The following ZNHIT3 variants were observed in gnomAD, a reference collection of about 807,000 sequenced individuals.
ZNHIT3 encodes zinc finger HIT domain-containing protein 3.
A neutral mutation model predicts 19.9 loss-of-function variants in ZNHIT3; 27 were observed. The observed-to-expected ratio is 1.36, with a 90% confidence interval of 1.00 to 1.87. ZNHIT3 has a LOEUF of 1.87. ZNHIT3 is among the 40% of genes most tolerant of loss of function. The pLI, the probability that ZNHIT3 is intolerant of heterozygous loss-of-function variation, is 0.00. For synonymous variants in ZNHIT3, 81 were observed against 65.7 expected (o/e 1.23, Z -1.13); for missense variants, 215 against 185.6 (o/e 1.16, Z -0.92).
At chr17:36,493,030 T>C (rs2306589) in intron 3 of ZNHIT3, 131 bp downstream of exon 3, 434,448 of 838,874 alleles carry the variant, frequency 0.52, 114,669 homozygotes, top group East Asian at 0.63. Flanking sequence ...TTCCTTAGCC[T>C]TGAGCATCAG....
intron 2 of ZNHIT3, among the ~76,000 whole-genome samples, chr17:36,488,418 G>A (rs936881747): frequency 1.3e-5 from 2 of 151,954 alleles, no homozygotes; most frequent in African/African-American, 2.4e-5. Flanking sequence ...GGAGGTGCGC[G>A]CCTGTAATCC....
At chr17:36,494,102 T>C in intron 4 of ZNHIT3, 96 bp downstream of exon 4, 1 of 912,030 alleles carries the variant, frequency 1.1e-6, no homozygotes, top group Non-Finnish European at 1.7e-6. Context: ...TGAATAAGTA[T>C]GGCATGTAGG....
At chr17:36,487,881 A>G (rs2070617887) in intron 2 of ZNHIT3, among the ~76,000 whole-genome samples, 1 of 151,666 alleles carries the variant, frequency 6.6e-6, no homozygotes, top group South Asian at 2.1e-4. Context: ...AGGCGGGCGG[A>G]TCATTTGAGC....
At chr17:36,498,436 G>A (rs2306590), downstream of ZNHIT3, 612,550 of 1,613,826 alleles carry the variant, frequency 0.38, 121,590 homozygotes, top group Non-Finnish European at 0.41. Flanking sequence ...AGGGGCCAGA[G>A]GCGGATTATT....
Position 36,495,269 on chromosome 17 carries a change from G to A in ZNHIT3, c.333G>A (p.Arg111=). The A allele has an allele frequency of 1.2e-6, 2 of 1,612,214 alleles. No individual in the cohort carries two copies. Among genetic ancestry groups the A allele is most frequent in the Non-Finnish European group, 1.7e-6 (2 of 1,179,540 alleles). ...LRSLLLNPHL[R]QLMVNLDQGE... ...GCTTATTGCTCAATCCACACCTCAG[G>A]CAGTTGATGGTCAACCTCGATCAGG... The change falls in exon 5 of 5, where the codon AGG becomes AGA. Residue 111 remains arginine (R), a synonymous_variant. Transcript: ENST00000617429.
chr17:36,496,141 C>T, downstream of ZNHIT3: 1 of 1,419,058 alleles, frequency 7.0e-7, no homozygotes, highest in Non-Finnish European at 9.7e-7. Context: ...CACTGTTGTT[C>T]ATGTGCATTT....
downstream of ZNHIT3, chr17:36,498,219 T>C (rs1019765902): frequency 1.3e-6 from 2 of 1,576,426 alleles, no homozygotes; most frequent in Admixed American, 3.4e-5. Flanking sequence ...GCTTTGCTCC[T>C]GCTGTTCTCA....
rs2070581055 is a variant in ZNHIT3, at chr17:36,487,082, C to T, written c.118+116C>T. On this transcript the variant is annotated intron_variant, in intron 2 of 4. Transcript: ENST00000617429. ...GCGCTTCCTTTCCCGCCTCGGGTCT[C>T]CGCGGGTTCTGCAGGAACCTTGCTT... 6 of 1,409,842 alleles carry T rather than the reference C, an allele frequency of 4.3e-6. No homozygotes were observed. In the East Asian group the frequency reaches 1.5e-4, roughly 35 times the overall value. 87.3% of individuals were successfully genotyped at this position (1,409,842 alleles called of 1,614,324 possible). A position where few individuals can be genotyped will look rare whatever the true frequency, so the allele number is the denominator to read the frequency against.
At chr17:36,487,218 C>T (rs900096610) in intron 2 of ZNHIT3, among the ~76,000 whole-genome samples, 4 of 152,140 alleles carry the variant, frequency 2.6e-5, no homozygotes, top group Non-Finnish European at 4.4e-5. Flanking sequence ...CCCCGCTTCT[C>T]CTTCTGCGTG....
chr17:36,492,257 C>T (rs2070743666), intron 2 of ZNHIT3: 1 of 154,148 alleles, frequency 6.5e-6, no homozygotes, highest in African/African-American at 2.4e-5. Flanking sequence ...AAGGGATCCT[C>T]CTGCCTCAGC....
chr17:36,496,143 T>C (rs1181769032), downstream of ZNHIT3: 1 of 1,426,704 alleles, frequency 7.0e-7, no homozygotes, highest in East Asian at 2.3e-5. Context: ...CTGTTGTTCA[T>C]GTGCATTTGG....
intron 2 of ZNHIT3, chr17:36,489,934 A>ATTTT (rs758612211): frequency 1.7e-5 from 2 of 118,180 alleles, no homozygotes; most frequent in African/African-American, 3.2e-5. Flanking sequence ...TGTCCACTTA[A>ATTTT]TTTTTTTTTT....
At chr17:36,487,621 C>T (rs2070606129) in intron 2 of ZNHIT3, among the ~76,000 whole-genome samples, 1 of 151,046 alleles carries the variant, frequency 6.6e-6, no homozygotes, top group Non-Finnish European at 1.5e-5. Flanking sequence ...TGGTGAAACT[C>T]CGTCTCTACT....
rs187701115 is a variant in ZNHIT3 at position 36,494,177 on chromosome 17, A to G, written c.286+171A>G. 1.2e-4 allele frequency among the ~76,000 whole-genome samples: 18 copies of G among 152,256 alleles called. No homozygotes were observed. In the East Asian group the frequency reaches 2.9e-3, roughly 24 times the overall value. ...GTTTCACACCTCCCAGCCTGCCCAC[A>G]CCATTCCTTCTGCCTGGAATCCTGC... is the stretch of plus-strand genomic sequence containing the variant. On this transcript the variant is annotated intron_variant, in intron 4 of 4. Coordinates refer to ENST00000617429, the MANE Select transcript of ZNHIT3 (RefSeq NM_004773.4).
At chr17:36,490,735 G>A (rs990567119) in intron 2 of ZNHIT3, 1 of 152,124 alleles carries the variant, frequency 6.6e-6, no homozygotes, top group East Asian at 1.9e-4. Context: ...TTTTGCCTTT[G>A]TTGCTGCTAT....
intron 2 of ZNHIT3, 31 bp downstream of exon 2, chr17:36,486,997 A>G: frequency 1.2e-6 from 2 of 1,609,860 alleles, no homozygotes; most frequent in Non-Finnish European, 1.7e-6. Flanking sequence ...CCCTCGTACC[A>G]CTGCGCACGG....
intron 2 of ZNHIT3, among the ~76,000 whole-genome samples, chr17:36,488,568 A>C (rs557548960): frequency 6.6e-6 from 1 of 152,236 alleles, no homozygotes; most frequent in Non-Finnish European, 1.5e-5. Flanking sequence ...AAAATTAAAA[A>C]TAAAGACTAG....
downstream of ZNHIT3, chr17:36,495,961 C>A: frequency 3.3e-6 from 3 of 906,340 alleles, no homozygotes; most frequent in South Asian, 8.8e-5. Context: ...GACAGACAGT[C>A]ATGACTGCTG....
In ZNHIT3 at chr17:36,486,927, T is replaced by A; in HGVS notation, c.87-8T>A. 1 of 1,610,344 alleles carries A rather than the reference T, an allele frequency of 6.2e-7. No individual in the cohort carries two copies. The highest frequency in any genetic ancestry group is 8.5e-7 in the Non-Finnish European group (1 of 1,179,148). ...GGCTGACGCGGCCTGTGGCCTCTGT[T>A]GTTACAGCTGCTCGGTAGTCTGCTT... On this transcript the variant is annotated splice_polypyrimidine_tract_variant and splice_region_variant and intron_variant, in intron 1 of 4. Coordinates refer to ENST00000617429, the MANE Select transcript of ZNHIT3 (RefSeq NM_004773.4).
Sources: allele counts gnomAD v4.1 joint callset (sites outside exome capture counted in the v4.1 genomes callset), GRCh38; gene constraint gnomAD v4.1.1; transcripts MANE v1.5; gene names NCBI Gene and HGNC (gene_info 2026-07-23, HGNC 2026-07-21).